Variants in CYP4X1 observed in about 807,000 individuals in gnomAD.
CYP4X1 encodes cytochrome P450 4X1.
In CYP4X1, 44 loss-of-function variants were observed where a neutral mutation model predicts 57.9. That is an observed-to-expected ratio of 0.76 (90% CI 0.60 to 0.98). CYP4X1 has a LOEUF of 0.98. CYP4X1 is among the 50% of genes least tolerant of loss of function. The pLI, the probability that CYP4X1 is intolerant of heterozygous loss-of-function variation, is 0.00. For synonymous variants in CYP4X1, 227 were observed against 228.6 expected (o/e 0.99, Z 0.06); for missense variants, 532 against 623.9 (o/e 0.85, Z 1.57).
At chr1:47,033,004 T>C (rs956932033) in intron 3 of CYP4X1, among the ~76,000 whole-genome samples, 2 of 152,130 alleles carry the variant, frequency 1.3e-5, no homozygotes, top group African/African-American at 4.8e-5. Flanking sequence ...GCTTTGAAAT[T>C]TATTAGACTT....
chr1:46,984,612 A>T, the CYP4X1 span, among the ~76,000 whole-genome samples: 2 of 151,958 alleles, frequency 1.3e-5, no homozygotes, highest in Non-Finnish European at 2.9e-5. Context: ...GGGGTCAGGG[A>T]ACTCCCTCCC....
intron 8 of CYP4X1, among the ~76,000 whole-genome samples, chr1:47,044,836 T>TC (rs1196403013): frequency 6.6e-6 from 1 of 152,094 alleles, no homozygotes; most frequent in Non-Finnish European, 1.5e-5. Context: ...TTTTTTTTTT[T>TC]TCTGAGACCG....
upstream of CYP4X1, chr1:47,023,583 C>G (rs888086809): frequency 2.3e-6 from 3 of 1,302,880 alleles, no homozygotes; most frequent in East Asian, 8.9e-5. Context: ...GCAGTTGGGC[C>G]GAACGAAGCG....
chr1:47,023,587 C>G (rs191352151), upstream of CYP4X1: 41 of 1,308,792 alleles, frequency 3.1e-5, no homozygotes, highest in Admixed American at 1.3e-3. Context: ...TTGGGCCGAA[C>G]GAAGCGTGCG....
chr1:47,040,174 A>G (rs1464211536), intron 8 of CYP4X1, among the ~76,000 whole-genome samples: 1 of 152,104 alleles, frequency 6.6e-6, no homozygotes, highest in Non-Finnish European at 1.5e-5. Flanking sequence ...GAGGGCAATG[A>G]TAGAGATATG....
At chr1:47,018,656 A>C in the CYP4X1 span, among the ~76,000 whole-genome samples, 1 of 152,146 alleles carries the variant, frequency 6.6e-6, no homozygotes, top group Non-Finnish European at 1.5e-5. Flanking sequence ...AAACATAACA[A>C]TATGTAACAG....
At chr1:47,021,027 C>T (rs1264473513), upstream of CYP4X1, among the ~76,000 whole-genome samples, 1 of 147,292 alleles carries the variant, frequency 6.8e-6, no homozygotes, top group Non-Finnish European at 1.5e-5. Context: ...TCTCATGGGG[C>T]TTATTTCCAT....
chr1:47,049,280 C>T, intron 10 of CYP4X1, 142 bp from the exon 11 acceptor site: 2 of 599,334 alleles, frequency 3.3e-6, no homozygotes, highest in South Asian at 3.3e-5. Context: ...TTAACTTCAC[C>T]TTTTAAAAAT....
At chr1:46,961,654 G>C in the CYP4X1 span, 2 of 1,290,512 alleles carry the variant, frequency 1.5e-6, no homozygotes, top group Non-Finnish European at 2.0e-6. Context: ...GCTTATCAAG[G>C]TGCCTCCTCT....
the CYP4X1 span, among the ~76,000 whole-genome samples, chr1:47,017,719 A>G: frequency 6.6e-6 from 1 of 152,174 alleles, no homozygotes; most frequent in Non-Finnish European, 1.5e-5. Flanking sequence ...ACTCAAAAGA[A>G]TGCAACCATT....
chr1:47,052,392 A>G (rs1644365132), downstream of CYP4X1, among the ~76,000 whole-genome samples: 1 of 152,170 alleles, frequency 6.6e-6, no homozygotes, highest in Admixed American at 6.6e-5. Context: ...ACATTTTTAT[A>G]CCAACTGTGC....
At chr1:46,993,968 C>T in the CYP4X1 span, among the ~76,000 whole-genome samples, 11 of 152,256 alleles carry the variant, frequency 7.2e-5, no homozygotes, top group East Asian at 1.9e-3. Flanking sequence ...GCTTTTGTTG[C>T]CATTGCTTTT....
chr1:47,051,106 C>T (rs771709720), downstream of CYP4X1, among the ~76,000 whole-genome samples: 32 of 152,258 alleles, frequency 2.1e-4, no homozygotes, highest in African/African-American at 5.3e-4. Context: ...AAGACATTTA[C>T]GCAGCCAAAA....
chr1:47,045,770 A>G lies in CYP4X1; in HGVS notation c.1074-697A>G, dbSNP rs534752534. Among the ~76,000 whole-genome samples, 6 of 152,320 alleles carry G rather than the reference A, an allele frequency of 3.9e-5. No homozygotes were observed. In the East Asian group the frequency reaches 1.2e-3, roughly 29 times the overall value. ...CTCAAGAGGAAACTCCCTTTCTTGGAGACTCTCTCACTAGAACTTTCCAGA... is the reference window on the plus strand; with the variant it reads ...CTCAAGAGGAAACTCCCTTTCTTGGGGACTCTCTCACTAGAACTTTCCAGA... On this transcript the variant is annotated intron_variant, in intron 8 of 11. Transcript: ENST00000371901.
Position 47,050,031 on chromosome 1 carries a change from G to A in CYP4X1, c.1387G>A (p.Glu463Lys), listed in dbSNP as rs755475135. 3 of 1,613,852 alleles carry A rather than the reference G, an allele frequency of 1.9e-6. No homozygotes were observed. Among genetic ancestry groups the A allele is most frequent in the African/African-American group, 2.7e-5 (2 of 74,924 alleles). The change falls in exon 12 of 12, where the codon GAG becomes AAG. Residue 463 changes from glutamate (E) to lysine (K), a missense_variant. By Grantham distance (56) the Glu-to-Lys change is moderately conservative (BLOSUM62 1). Transcript: ENST00000371901. ...NCIGQEFAMI[E>K]LKVTIALILL... ...CATTGGGCAGGAGTTTGCCATGATT[G>A]AGTTAAAGGTAACCATTGCCTTGAT...
intron 8 of CYP4X1, 180 bp downstream of exon 8, chr1:47,039,712 A>G (rs75412500): frequency 1.8e-5 from 3 of 162,232 alleles, no homozygotes; most frequent in African/African-American, 8.1e-5. Flanking sequence ...TCTTTCAGGA[A>G]AAAAAAAAAA....
At position 47,046,482 on chromosome 1, in the gene CYP4X1, G is replaced by A; in HGVS notation, c.1089G>A (p.Glu363=). ...GSSITWDQLG[E]MSYTTMCIKE... is the part of the protein sequence containing the mutation. ...ATCCTCACAGGGACCAGCTGGGTGA[G>A]ATGTCGTACACCACAATGTGCATCA... The change falls in exon 9 of 12, where the codon GAG becomes GAA. Residue 363 remains glutamate (E), a synonymous_variant. Coordinates refer to ENST00000371901, the MANE Select transcript of CYP4X1 (RefSeq NM_178033.2). 1 of 1,614,128 alleles carries A rather than the reference G, an allele frequency of 6.2e-7. No individual in the cohort carries two copies.
At chr1:46,974,330 A>G in the CYP4X1 span, among the ~76,000 whole-genome samples, 1 of 152,020 alleles carries the variant, frequency 6.6e-6, no homozygotes, top group African/African-American at 2.4e-5. Flanking sequence ...TTTGTTGAGA[A>G]TTGCTTTATG....
the CYP4X1 span, among the ~76,000 whole-genome samples, chr1:46,977,700 G>A: frequency 6.6e-6 from 1 of 151,660 alleles, no homozygotes; most frequent in East Asian, 1.9e-4. Context: ...TGAAATGAGG[G>A]AAAAAATGTT....
Sources: gnomAD v4.1 joint callset for allele counts (sites outside exome capture counted in the v4.1 genomes callset) on GRCh38, gnomAD v4.1.1 for gene constraint, MANE v1.5 for transcripts, NCBI Gene and HGNC (gene_info 2026-07-23, HGNC 2026-07-21) for gene names.